The following RAB30 variants were observed in gnomAD, a reference collection of about 807,000 sequenced individuals.
RAB30 encodes the protein RAB30, member RAS oncogene family, also known as ras-related protein Rab-30.
A neutral mutation model predicts 25.1 loss-of-function variants in RAB30; 9 were observed. The ratio of observed to expected loss-of-function variants is 0.36; its 90% CI spans 0.22 to 0.63. The LOEUF is 0.63. Among genes scored for constraint, RAB30 ranks in the 20% least tolerant of loss-of-function variants. The pLI is 0.69. For synonymous variants in RAB30, 77 were observed against 86.4 expected, an observed-to-expected ratio of 0.89 and a Z score of 0.60; for missense variants, 140 against 243.5, an observed-to-expected ratio of 0.58 and a Z score of 2.83.
At chr11:82,988,892 AC>A (rs796244361) in intron 3 of RAB30, among the ~76,000 whole-genome samples, 8 of 73,746 alleles carry the variant, frequency 1.1e-4, no homozygotes, top group African/African-American at 4.0e-4. Flanking sequence ...TAGGTTCCCC[AC>A]CCCCCCACCC....
At chr11:83,060,852 T>C (rs11233444) in intron 1 of RAB30, among the ~76,000 whole-genome samples, 32,527 of 152,072 alleles carry the variant, frequency 0.21, 4,198 homozygotes, top group Admixed American at 0.28. Flanking sequence ...ACCACCAATG[T>C]TGGTGGGCAC....
intron 1 of RAB30, among the ~76,000 whole-genome samples, chr11:83,043,508 T>C (rs1051862475): frequency 1.3e-5 from 2 of 152,190 alleles, no homozygotes; most frequent in African/African-American, 4.8e-5. Context: ...GTGGACTCTA[T>C]TAGATGACAT....
chr11:83,064,900 T>A (rs1158744417), intron 1 of RAB30, among the ~76,000 whole-genome samples: 1 of 152,074 alleles, frequency 6.6e-6, no homozygotes, highest in Non-Finnish European at 1.5e-5. Context: ...TTTTTTTAAG[T>A]CCAGGATCCA....
intron 1 of RAB30, among the ~76,000 whole-genome samples, chr11:83,008,838 C>T (rs7120604): frequency 0.084 from 12,814 of 152,112 alleles, 1,262 homozygotes; most frequent in African/African-American, 0.24. Context: ...TCTAACCAGG[C>T]TCCCTGCAGC....
chr11:83,000,849 C>T (rs904200215), intron 1 of RAB30, among the ~76,000 whole-genome samples: 2 of 150,464 alleles, frequency 1.3e-5, no homozygotes, highest in African/African-American at 2.5e-5. Context: ...GTCAGGAGAT[C>T]GAGACCACGG....
chr11:83,067,717 C>T (rs778622521), intron 1 of RAB30, among the ~76,000 whole-genome samples: 1 of 152,184 alleles, frequency 6.6e-6, no homozygotes, highest in Non-Finnish European at 1.5e-5. Flanking sequence ...GTCGGCCGGG[C>T]ATGGTGGCTC....
At chr11:83,042,313 G>A (rs138202647) in intron 1 of RAB30, among the ~76,000 whole-genome samples, 14 of 152,210 alleles carry the variant, frequency 9.2e-5, no homozygotes, top group African/African-American at 3.1e-4. Flanking sequence ...AGCACTTTGG[G>A]AGGCCAAGGT....
chr11:83,038,617 TCAAGA>T (rs1858037672), intron 1 of RAB30: 1 of 152,048 alleles, frequency 6.6e-6, no homozygotes, highest in Non-Finnish European at 1.5e-5. Flanking sequence ...GGTCGGGAGA[TCAAGA>T]CCAGCCTGGC....
At chr11:83,042,368 T>C (rs1035840439) in intron 1 of RAB30, among the ~76,000 whole-genome samples, 1 of 151,636 alleles carries the variant, frequency 6.6e-6, no homozygotes, top group African/African-American at 2.4e-5. Context: ...GCCTGGGCAA[T>C]ACGGTGAAAC....
At chr11:82,992,703 G>A (rs1452775845) in intron 3 of RAB30, among the ~76,000 whole-genome samples, 1 of 145,232 alleles carries the variant, frequency 6.9e-6, no homozygotes, top group Non-Finnish European at 1.5e-5. Flanking sequence ...CCCTCCCCCA[G>A]CCTTCTCTCT....
intron 3 of RAB30, among the ~76,000 whole-genome samples, chr11:82,991,354 A>G (rs1856846579): frequency 6.6e-6 from 1 of 151,948 alleles, no homozygotes; most frequent in African/African-American, 2.4e-5. Flanking sequence ...AAAAATAAAA[A>G]TGAATAGCTG....
At chr11:83,002,309 T>C (rs1857103715) in intron 1 of RAB30, among the ~76,000 whole-genome samples, 1 of 152,124 alleles carries the variant, frequency 6.6e-6, no homozygotes, top group Non-Finnish European at 1.5e-5. Flanking sequence ...CACCGTGCCC[T>C]CCAGCCCAGG....
intron 1 of RAB30, among the ~76,000 whole-genome samples, chr11:83,010,346 G>C (rs1366859600): frequency 6.6e-6 from 1 of 152,128 alleles, no homozygotes; most frequent in African/African-American, 2.4e-5. Context: ...AGCTACTCAG[G>C]AGGCTGATGT....
At chr11:83,035,309 T>C (rs1192688931) in intron 1 of RAB30, 1 of 152,134 alleles carries the variant, frequency 6.6e-6, no homozygotes, top group African/African-American at 2.4e-5. Flanking sequence ...CCCCAGCAGG[T>C]AATGCATATT....
chr11:83,046,098 A>G (rs1040135054), intron 1 of RAB30, among the ~76,000 whole-genome samples: 3 of 152,222 alleles, frequency 2.0e-5, no homozygotes, highest in Non-Finnish European at 4.4e-5. Flanking sequence ...CTTTCATTTT[A>G]CTTCCTTTAA....
rs182059976 is a variant in RAB30 at position 83,051,231 on chromosome 11, T to A, written c.-9+20460A>T. ...AGTCACAAGATGGAAGGAGCCTGGG[T>A]GCCCGAAACATTAAAGGCAGCTTAG... On this transcript the variant is annotated intron_variant, in intron 1 of 4. Coordinates refer to ENST00000527633, the MANE Select transcript of RAB30 (RefSeq NM_001286060.2). 3.3e-5 allele frequency among the ~76,000 whole-genome samples: 5 copies of A among 152,266 alleles called. No individual in the cohort carries two copies. In the East Asian group the frequency reaches 7.7e-4, roughly 23 times the overall value.
chr11:82,992,282 A>G, intron 3 of RAB30: 1 of 455,714 alleles, frequency 2.2e-6, no homozygotes, highest in Non-Finnish European at 4.4e-6. Context: ...ATTTTTGTTC[A>G]CTTTTTAGTT....
chr11:82,988,552 GTGGTTAATAACACACAACC>G (rs144413049), intron 3 of RAB30, among the ~76,000 whole-genome samples: 186 of 152,294 alleles, frequency 1.2e-3, no homozygotes, highest in African/African-American at 4.3e-3. Context: ...TTTATAAAAA[GTGGTTAATAACACACAACC>G]TGCTGAAGGT....
intron 1 of RAB30, among the ~76,000 whole-genome samples, chr11:83,005,676 C>A (rs1857169222): frequency 6.6e-6 from 1 of 151,654 alleles, no homozygotes; most frequent in Non-Finnish European, 1.5e-5. Flanking sequence ...TATATAAAAC[C>A]TTAAAGTAGA....
Sources: allele counts gnomAD v4.1 joint callset (sites outside exome capture counted in the v4.1 genomes callset), GRCh38; gene constraint gnomAD v4.1.1; transcripts MANE v1.5; gene names NCBI Gene and HGNC (gene_info 2026-07-23, HGNC 2026-07-21).